RGMA: variants seen among roughly 807,000 people sequenced by gnomAD.
RGMA encodes repulsive guidance molecule BMP co-receptor a, also known as repulsive guidance molecule A.
In RGMA, 10 loss-of-function variants were observed where a neutral mutation model predicts 23.2. The ratio of observed to expected loss-of-function variants is 0.43; its 90% CI spans 0.27 to 0.73. The LOEUF is 0.73. Among genes scored for constraint, RGMA ranks in the 30% least tolerant of loss-of-function variants. The pLI, the probability that RGMA is intolerant of heterozygous loss-of-function variation, is 0.20. For synonymous variants in RGMA, 308 were observed against 279.3 expected (o/e 1.10, Z -1.03); for missense variants, 547 against 630.5 (o/e 0.87, Z 1.42).
At chr15:93,064,977 G>A (rs1895093677) in intron 2 of RGMA, among the ~76,000 whole-genome samples, 1 of 151,814 alleles carries the variant, frequency 6.6e-6, no homozygotes, top group African/African-American at 2.4e-5. Flanking sequence ...ATACCACATG[G>A]TAATTTTTTT....
At chr15:93,073,971 G>A (rs1226281225) in intron 1 of RGMA, 2 of 1,422,808 alleles carry the variant, frequency 1.4e-6, no homozygotes, top group African/African-American at 2.9e-5. Context: ...GCTGCACTTG[G>A]GAGGGCTTCA....
intron 2 of RGMA, among the ~76,000 whole-genome samples, chr15:93,071,157 T>TGTG (rs1320491324): frequency 6.6e-5 from 10 of 152,216 alleles, no homozygotes; most frequent in African/African-American, 2.4e-4. Flanking sequence ...CAAAAGCCAT[T>TGTG]TATCAACCCA....
intron 1 of RGMA, among the ~76,000 whole-genome samples, chr15:93,078,126 CT>C (rs1194300042): frequency 6.6e-6 from 1 of 152,194 alleles, no homozygotes; most frequent in Non-Finnish European, 1.5e-5. Flanking sequence ...TCCTGCAGCT[CT>C]TCCTGAGCTC....
intron 1 of RGMA, among the ~76,000 whole-genome samples, chr15:93,080,005 A>T (rs189516384): frequency 4.6e-5 from 7 of 152,200 alleles, no homozygotes; most frequent in African/African-American, 1.7e-4. Context: ...CTGAGCTTTG[A>T]TGCTCCTTCC....
chr15:93,079,502 T>C (rs1895524497), intron 1 of RGMA, among the ~76,000 whole-genome samples: 1 of 152,206 alleles, frequency 6.6e-6, no homozygotes, highest in Non-Finnish European at 1.5e-5. Flanking sequence ...TTTTAGTATA[T>C]ATTCTGCAAA....
intron 2 of RGMA, among the ~76,000 whole-genome samples, chr15:93,063,344 C>G (rs1338602503): frequency 1.3e-5 from 2 of 152,246 alleles, no homozygotes; most frequent in Non-Finnish European, 2.9e-5. Context: ...GGCTCACACC[C>G]AGTGAGACTC....
chr15:93,081,080 G>A (rs1223152336), intron 1 of RGMA, among the ~76,000 whole-genome samples: 1 of 152,176 alleles, frequency 6.6e-6, no homozygotes, highest in East Asian at 1.9e-4. Context: ...CTGAATATGG[G>A]GAAAGACAGA....
rs532897367 is a variant in RGMA, at chr15:93,058,411, C to T, written c.131-5904G>A. On this transcript the variant is annotated intron_variant, in intron 2 of 3. Coordinates refer to ENST00000329082, the MANE Select transcript of RGMA (RefSeq NM_020211.3). The stretch of plus-strand genomic sequence containing the variant: ...CCTCACCAGAGGGGTGTTAAAGGGA[C>T]TGCAGGCACTGATGTGAGCAAAGCC... 2.6e-5 allele frequency among the ~76,000 whole-genome samples: 4 copies of T among 152,356 alleles called. No homozygotes were observed. In the East Asian group the frequency reaches 7.7e-4, roughly 29 times the overall value.
At chr15:93,077,663 G>A (rs1352832082) in intron 1 of RGMA, among the ~76,000 whole-genome samples, 2 of 152,226 alleles carry the variant, frequency 1.3e-5, no homozygotes, top group Non-Finnish European at 2.9e-5. Flanking sequence ...TCTTGTGCGA[G>A]GGTGAGTGTT....
chr15:93,076,136 C>T (rs1189371323), intron 1 of RGMA, among the ~76,000 whole-genome samples: 3 of 152,184 alleles, frequency 2.0e-5, no homozygotes, highest in African/African-American at 7.2e-5. Context: ...TAGAGTCTAA[C>T]CAAGTATGTG....
Position 93,072,897 on chromosome 15 carries a change from C to G in RGMA, c.130+19G>C. ...GGCCCAGGGACCCGGCCCCGCGCGC[C>G]CGGCCGGCAGTGCCTTACCTGCGGG... On this transcript the variant is annotated intron_variant, in intron 2 of 3. Transcript: ENST00000329082. 1 of 1,592,232 alleles carries G rather than the reference C, an allele frequency of 6.3e-7. No homozygotes were observed. Among genetic ancestry groups the G allele is most frequent in the Non-Finnish European group, 8.5e-7 (1 of 1,169,640 alleles).
At chr15:93,052,890 T>C (rs2054951738) in intron 2 of RGMA, among the ~76,000 whole-genome samples, 1 of 152,206 alleles carries the variant, frequency 6.6e-6, no homozygotes. Flanking sequence ...GCAACAGGAA[T>C]CTGGCAGGGA....
At chr15:93,070,720 A>G (rs1895294216) in intron 2 of RGMA, among the ~76,000 whole-genome samples, 1 of 152,240 alleles carries the variant, frequency 6.6e-6, no homozygotes, top group Non-Finnish European at 1.5e-5. Flanking sequence ...GCAGCTGTCA[A>G]GCCCTCAAAT....
intron 1 of RGMA, chr15:93,088,301 G>C: frequency 4.1e-6 from 4 of 985,354 alleles, no homozygotes; most frequent in Non-Finnish European, 4.8e-6. Flanking sequence ...GCTGCGGCGC[G>C]AGCCGGCGCT....
At chr15:93,073,516 T>A in intron 1 of RGMA, 1 of 1,404,486 alleles carries the variant, frequency 7.1e-7, no homozygotes, top group Non-Finnish European at 9.6e-7. Flanking sequence ...TCCACGAATA[T>A]CCAATCCAAG....
At chr15:93,082,355 GA>G (rs1045032954) in intron 1 of RGMA, among the ~76,000 whole-genome samples, 6 of 152,158 alleles carry the variant, frequency 3.9e-5, no homozygotes, top group Non-Finnish European at 8.8e-5. Context: ...GCACCTACTA[GA>G]AAAAACTCCC....
intron 2 of RGMA, chr15:93,066,138 C>G (rs772279082): frequency 8.7e-5 from 118 of 1,355,528 alleles, no homozygotes; most frequent in Admixed American, 3.0e-4. Flanking sequence ...TCACGGGCAC[C>G]TCCCCGGGCC....
In RGMA at chr15:93,065,766, C is replaced by T. The variant is rs907667828; in HGVS notation, c.130+7150G>A. ...CGTGGCTGGGCTTGGTCTCACCGTC[C>T]CCACCTTCCGTGGTAGGCTGGCTGG... On this transcript the variant is annotated intron_variant, in intron 2 of 3. Transcript: ENST00000329082. 1.5e-5 allele frequency: 17 copies of T among 1,143,860 alleles called. No individual in the cohort carries two copies. In the African/African-American group the frequency reaches 1.7e-4, roughly 11 times the overall value. 70.9% of individuals were successfully genotyped at this position (1,143,860 alleles called of 1,614,324 possible). A position where few individuals can be genotyped will look rare whatever the true frequency, so the allele number is the denominator to read the frequency against.
chr15:93,081,356 G>T (rs767222174), intron 1 of RGMA, among the ~76,000 whole-genome samples: 1 of 152,186 alleles, frequency 6.6e-6, no homozygotes, highest in African/African-American at 2.4e-5. Context: ...GGCCAAGCAC[G>T]TAGGAAATGT....
Sources: allele counts gnomAD v4.1 joint callset (sites outside exome capture counted in the v4.1 genomes callset), GRCh38; gene constraint gnomAD v4.1.1; transcripts MANE v1.5; gene names NCBI Gene and HGNC (gene_info 2026-07-23, HGNC 2026-07-21).